PCDH9: variants seen among roughly 807,000 people sequenced by gnomAD.
PCDH9 encodes protocadherin 9, also known as protocadherin-9.
Under a neutral mutation model 70.6 loss-of-function variants are expected in PCDH9, and 24 were observed. That is an observed-to-expected ratio of 0.34 (90% CI 0.25 to 0.48). PCDH9 has a LOEUF of 0.48. Among genes scored for constraint, PCDH9 ranks in the 20% least tolerant of loss-of-function variants. PCDH9 has a pLI of 0.99. For synonymous variants in PCDH9, 562 were observed against 558.5 expected (o/e 1.01, Z -0.09); for missense variants, 1,281 against 1,503.6 (o/e 0.85, Z 2.45).
At chr13:67,047,346 T>C (rs1295795297) in intron 2 of PCDH9, among the ~76,000 whole-genome samples, 1 of 152,224 alleles carries the variant, frequency 6.6e-6, no homozygotes, top group Non-Finnish European at 1.5e-5. Flanking sequence ...ACTAAAGTTA[T>C]GTTTTTCTAA....
intron 3 of PCDH9, among the ~76,000 whole-genome samples, chr13:66,681,915 T>C (rs1479511897): frequency 7.6e-6 from 1 of 131,952 alleles, no homozygotes; most frequent in Non-Finnish European, 1.6e-5. Context: ...ATATGTTTAG[T>C]AGGATACATC....
rs10559380 is a variant in PCDH9, at chr13:66,626,951, C to CTGTGTGTGTGTGTG, written c.3340+4245_3340+4258dup. On this transcript the variant is annotated intron_variant, in intron 4 of 4. Transcript: ENST00000377865. Reference sequence around the variant, plus strand: ...GCCAGTATTATTAGATCAAATGCCACTGTGTGTGTGTGTGTGTGTGTGTGT... The same window carrying CTGTGTGTGTGTGTG: ...GCCAGTATTATTAGATCAAATGCCACTGTGTGTGTGTGTGTGTGTGTGTGTGTGTGTGTGTGTGT... Among the ~76,000 whole-genome samples, 338 of 147,486 alleles carry CTGTGTGTGTGTGTG rather than the reference C, an allele frequency of 2.3e-3. 1 individual carries two copies. Among genetic ancestry groups the CTGTGTGTGTGTGTG allele is most frequent in the Middle Eastern group, 6.8e-3 (2 of 294 alleles).
chr13:66,464,309 G>A (rs920293532), intron 4 of PCDH9, among the ~76,000 whole-genome samples: 5 of 151,688 alleles, frequency 3.3e-5, no homozygotes, highest in African/African-American at 4.8e-5. Context: ...TAACCGGAAT[G>A]TCTATCAAAA....
At chr13:66,763,965 A>G (rs929865487) in intron 3 of PCDH9, among the ~76,000 whole-genome samples, 1 of 151,774 alleles carries the variant, frequency 6.6e-6, no homozygotes, top group Non-Finnish European at 1.5e-5. Flanking sequence ...CACTCGACTA[A>G]TTGTTGTATT....
intron 4 of PCDH9, among the ~76,000 whole-genome samples, chr13:66,417,827 T>TCCTTCG (rs1390351449): frequency 6.6e-6 from 1 of 152,232 alleles, no homozygotes; most frequent in Non-Finnish European, 1.5e-5. Flanking sequence ...TCTGTTCATA[T>TCCTTCG]CCTTCGCCTA....
At chr13:66,353,033 C>T (rs867023525) in intron 4 of PCDH9, among the ~76,000 whole-genome samples, 1 of 152,116 alleles carries the variant, frequency 6.6e-6, no homozygotes, top group Non-Finnish European at 1.5e-5. Flanking sequence ...GGGTAATCCT[C>T]CATTTTTACA....
At chr13:67,221,860 A>G (rs1274360220) in intron 2 of PCDH9, 1 of 152,200 alleles carries the variant, frequency 6.6e-6, no homozygotes, top group Non-Finnish European at 1.5e-5. Flanking sequence ...GGTTCTCTGG[A>G]TATGATAATA....
chr13:67,005,676 C>A (rs187249211), intron 2 of PCDH9, among the ~76,000 whole-genome samples: 2 of 152,268 alleles, frequency 1.3e-5, no homozygotes, highest in Admixed American at 6.5e-5. Flanking sequence ...TTTTAAATAT[C>A]TTCCACAAAT....
intron 2 of PCDH9, among the ~76,000 whole-genome samples, chr13:67,059,408 T>G (rs2085492480): frequency 6.8e-6 from 1 of 147,230 alleles, no homozygotes; most frequent in South Asian, 2.1e-4. Context: ...ATAGTGTATA[T>G]ATATGGTATA....
intron 3 of PCDH9, among the ~76,000 whole-genome samples, chr13:66,810,849 A>T (rs1041774613): frequency 6.6e-6 from 1 of 151,762 alleles, no homozygotes; most frequent in Non-Finnish European, 1.5e-5. Flanking sequence ...ATATATATAT[A>T]ATATATATAG....
At chr13:66,800,550 C>A (rs967983829) in intron 3 of PCDH9, among the ~76,000 whole-genome samples, 3 of 152,084 alleles carry the variant, frequency 2.0e-5, no homozygotes, top group African/African-American at 7.2e-5. Flanking sequence ...ATCTCCAGTG[C>A]CTAGAATGGT....
chr13:66,799,820 G>C (rs1318961650), intron 3 of PCDH9, among the ~76,000 whole-genome samples: 1 of 152,092 alleles, frequency 6.6e-6, no homozygotes, highest in East Asian at 1.9e-4. Context: ...TGGGCTTTTG[G>C]CAATCTAATG....
At chr13:66,518,678 A>G (rs1221432132) in intron 4 of PCDH9, among the ~76,000 whole-genome samples, 1 of 152,172 alleles carries the variant, frequency 6.6e-6, no homozygotes, top group Non-Finnish European at 1.5e-5. Flanking sequence ...TAGAAGTTAT[A>G]TAAGTTTATG....
chr13:66,840,724 G>T (rs1481330237), intron 3 of PCDH9, among the ~76,000 whole-genome samples: 1 of 152,182 alleles, frequency 6.6e-6, no homozygotes. Context: ...GCTACATTGA[G>T]TATTTCTGTT....
chr13:66,779,847 C>CATATATA (rs2079963146), intron 3 of PCDH9, among the ~76,000 whole-genome samples: 1 of 59,700 alleles, frequency 1.7e-5, no homozygotes, highest in African/African-American at 6.4e-5. Flanking sequence ...CTCTCTCTCT[C>CATATATA]TCTATATATA....
intron 2 of PCDH9, among the ~76,000 whole-genome samples, chr13:67,086,674 T>C (rs1262667511): frequency 6.6e-6 from 1 of 152,142 alleles, no homozygotes; most frequent in Non-Finnish European, 1.5e-5. Flanking sequence ...CAGGTGAACT[T>C]AGTGAAGGCA....
chr13:66,616,790 A>ATCCTT (rs767723811), intron 4 of PCDH9, among the ~76,000 whole-genome samples: 27 of 152,254 alleles, frequency 1.8e-4, no homozygotes, highest in Admixed American at 3.9e-4. Context: ...GTCACAAGAA[A>ATCCTT]TCCTTTCCTC....
chr13:66,986,917 T>C (rs566488927), intron 2 of PCDH9, among the ~76,000 whole-genome samples: 12 of 152,066 alleles, frequency 7.9e-5, no homozygotes, highest in Middle Eastern at 3.4e-3. Flanking sequence ...AGTATCTATG[T>C]ATATATAATA....
intron 2 of PCDH9, among the ~76,000 whole-genome samples, chr13:66,906,887 C>A (rs1170265278): frequency 6.6e-6 from 1 of 152,042 alleles, no homozygotes; most frequent in East Asian, 1.9e-4. Context: ...GGGAGAGTTG[C>A]AGCATTTTCT....
Sources: gnomAD v4.1 joint callset for allele counts (sites outside exome capture counted in the v4.1 genomes callset) on GRCh38, gnomAD v4.1.1 for gene constraint, MANE v1.5 for transcripts, NCBI Gene and HGNC (gene_info 2026-07-23, HGNC 2026-07-21) for gene names.